KLRG1: variants seen among roughly 807,000 people sequenced by gnomAD.
KLRG1 encodes the protein killer cell lectin like receptor G1.
Under a neutral mutation model 21.8 loss-of-function variants are expected in KLRG1, and 16 were observed. That is an observed-to-expected ratio of 0.73 (90% CI 0.50 to 1.11). KLRG1 has a LOEUF of 1.11. KLRG1 is among the 50% of genes most tolerant of loss of function. The probability of loss-of-function intolerance (pLI) is 0.00; values close to 1 mark genes in which losing one functional copy is unlikely to be tolerated. For synonymous variants in KLRG1, 69 were observed against 75.9 expected (o/e 0.91, Z 0.47); for missense variants, 173 against 218.3 (o/e 0.79, Z 1.31).
the KLRG1 span, among the ~76,000 whole-genome samples, chr12:9,019,311 C>T: frequency 6.6e-6 from 1 of 152,208 alleles, no homozygotes; most frequent in African/African-American, 2.4e-5. Flanking sequence ...CCCTCATACA[C>T]TGTTGGTTGG....
Position 9,009,694 on chromosome 12 carries a change from T to G in KLRG1, c.*157T>G. ...TGCAAGACAACCTCCTAGGGATTGA[T>G]GCCTAACTGATGGATTCTCTTTGAG... is the stretch of plus-strand genomic sequence containing the variant. On this transcript the variant is annotated 3_prime_UTR_variant, in exon 5 of 5. Coordinates refer to ENST00000356986, the MANE Select transcript of KLRG1 (RefSeq NM_005810.4). 1 of 1,430,338 alleles carries G rather than the reference T, an allele frequency of 7.0e-7. No individual in the cohort carries two copies. The highest frequency in any genetic ancestry group is 2.5e-5 in the East Asian group (1 of 39,656). The allele number at this position is 1,430,338 out of a possible 1,614,324, so 88.6% of individuals were successfully genotyped here.
chr12:9,101,741 C>T, the KLRG1 span: 1 of 1,310,636 alleles, frequency 7.6e-7, no homozygotes. Flanking sequence ...TCTCACAAAA[C>T]TACGTAAGTT....
intron 1 of KLRG1, among the ~76,000 whole-genome samples, chr12:8,960,315 A>G (rs1946361960): frequency 6.6e-6 from 1 of 152,186 alleles, no homozygotes; most frequent in Non-Finnish European, 1.5e-5. Flanking sequence ...AGTACCAGAG[A>G]AAAGAGAGAT....
At chr12:9,049,636 T>C in the KLRG1 span, among the ~76,000 whole-genome samples, 1 of 152,214 alleles carries the variant, frequency 6.6e-6, no homozygotes, top group African/African-American at 2.4e-5. Flanking sequence ...CTCTTCTCTG[T>C]TCCCATTGCC....
chr12:9,097,582 T>G, the KLRG1 span, among the ~76,000 whole-genome samples: 1 of 151,664 alleles, frequency 6.6e-6, no homozygotes, highest in African/African-American at 2.4e-5. Context: ...ATATGTTCCC[T>G]CAGAAATTAT....
intron 1 of KLRG1, among the ~76,000 whole-genome samples, chr12:8,991,340 A>T (rs1946961427): frequency 6.6e-6 from 1 of 152,214 alleles, no homozygotes; most frequent in African/African-American, 2.4e-5. Flanking sequence ...TAAACTTGGC[A>T]TCAACTTAAA....
chr12:9,070,636 T>G, the KLRG1 span: 2 of 1,220,792 alleles, frequency 1.6e-6, no homozygotes, highest in African/African-American at 3.0e-5. Flanking sequence ...TATTTTCTTC[T>G]TCTATGTCCA....
the KLRG1 span, chr12:9,095,576 G>T: frequency 6.2e-7 from 1 of 1,612,146 alleles, no homozygotes; most frequent in South Asian, 1.1e-5. Context: ...ATTTGTACTT[G>T]ATACTGGAGT....
chr12:9,148,888 A>C, the KLRG1 span: 3 of 1,257,228 alleles, frequency 2.4e-6, no homozygotes, highest in East Asian at 7.0e-5. Flanking sequence ...TTTAGTGTCT[A>C]TTTTATAGAG....
the KLRG1 span, chr12:9,169,623 GTTAC>G: frequency 3.3e-6 from 5 of 1,529,600 alleles, no homozygotes; most frequent in Non-Finnish European, 2.6e-6. Context: ...AGGCAGAACT[GTTAC>G]TTACTTTTCT....
the KLRG1 span, chr12:9,058,604 C>G: frequency 2.0e-5 from 3 of 152,326 alleles, no homozygotes; most frequent in African/African-American, 7.2e-5. Context: ...TCCCCCAACC[C>G]TCTTGTCTGT....
the KLRG1 span, chr12:9,067,947 G>T: frequency 8.8e-7 from 1 of 1,140,732 alleles, no homozygotes. Context: ...AACCTAATCA[G>T]TACAGTGGGA....
chr12:9,076,705 G>T, the KLRG1 span: 1 of 1,601,506 alleles, frequency 6.2e-7, no homozygotes. Flanking sequence ...TTGCCATGCA[G>T]TTCTTGATAC....
At chr12:9,119,319 T>C in the KLRG1 span, among the ~76,000 whole-genome samples, 1 of 152,204 alleles carries the variant, frequency 6.6e-6, no homozygotes, top group African/African-American at 2.4e-5. Context: ...ATTTGATGCC[T>C]CATGATAAAT....
the KLRG1 span, among the ~76,000 whole-genome samples, chr12:9,034,591 C>T: frequency 3.3e-5 from 5 of 152,156 alleles, no homozygotes; most frequent in African/African-American, 1.2e-4. Context: ...GATTTACAGG[C>T]ATGCGCCACC....
chr12:9,212,622 A>G, the KLRG1 span, among the ~76,000 whole-genome samples: 1 of 152,226 alleles, frequency 6.6e-6, no homozygotes, highest in East Asian at 1.9e-4. Context: ...GTTTTGTCTT[A>G]AAATATCTGA....
At chr12:9,192,850 C>T in the KLRG1 span, 5 of 694,012 alleles carry the variant, frequency 7.2e-6, no homozygotes, top group East Asian at 2.6e-5. Context: ...TACACTATGC[C>T]TCTCCCTCAT....
chr12:9,154,342 T>G, the KLRG1 span, among the ~76,000 whole-genome samples: 1 of 152,174 alleles, frequency 6.6e-6, no homozygotes. Flanking sequence ...AAAACTCTGG[T>G]CTAGAATGTG....
chr12:9,155,132 T>C, the KLRG1 span, among the ~76,000 whole-genome samples: 1 of 152,078 alleles, frequency 6.6e-6, no homozygotes, highest in African/African-American at 2.4e-5. Flanking sequence ...GTAGAGAGAG[T>C]TCTTTTATTG....
Sources: allele counts gnomAD v4.1 joint callset (sites outside exome capture counted in the v4.1 genomes callset), GRCh38; gene constraint gnomAD v4.1.1; transcripts MANE v1.5; gene names NCBI Gene and HGNC (gene_info 2026-07-23, HGNC 2026-07-21).